The following RBPMS variants were observed in gnomAD, a reference collection of about 807,000 sequenced individuals.
The protein encoded by RBPMS is RNA binding protein, mRNA processing factor.
A neutral mutation model predicts 26.8 loss-of-function variants in RBPMS; 7 were observed. The observed-to-expected ratio is 0.26, with a 90% CI of 0.15 to 0.49. The LOEUF (loss-of-function observed/expected upper bound fraction) is 0.49. Among genes scored for constraint, RBPMS ranks in the 20% least tolerant of loss-of-function variants. The pLI is 0.98. For synonymous variants in RBPMS, 96 were observed against 93.3 expected (o/e 1.03, Z -0.17); for missense variants, 186 against 250.0 (o/e 0.74, Z 1.73).
chr8:30,511,480 AAAAAAAATATATATATATATAT>A (rs1342231853), intron 5 of RBPMS, among the ~76,000 whole-genome samples: 282 of 16,526 alleles, frequency 0.017, 9 homozygotes, highest in Non-Finnish European at 0.019. Flanking sequence ...AGAAAAAAAA[AAAAAAAATATATATATATATAT>A]ATATATATAT....
At chr8:30,477,642 T>C (rs573121054) in intron 2 of RBPMS, among the ~76,000 whole-genome samples, 157 bp from the exon 3 acceptor site, 93 of 139,054 alleles carry the variant, frequency 6.7e-4, no homozygotes, top group African/African-American at 2.1e-3. Context: ...TGTGTGTGTG[T>C]GCACATGCAC....
intron 2 of RBPMS, among the ~76,000 whole-genome samples, chr8:30,475,593 TG>T (rs757186324): frequency 3.9e-5 from 6 of 152,330 alleles, no homozygotes; most frequent in Admixed American, 6.5e-5. Flanking sequence ...GATTAGGTGA[TG>T]GGCTGTCTTG....
At chr8:30,558,780 G>A (rs771239445) in intron 6 of RBPMS, 107 bp from the exon 7 acceptor site, 3 of 919,396 alleles carry the variant, frequency 3.3e-6, no homozygotes, top group Admixed American at 3.6e-5. Context: ...AGTGTGAGTG[G>A]GTACCATCTT....
chr8:30,493,171 G>A (rs1358628064), intron 4 of RBPMS, among the ~76,000 whole-genome samples: 1 of 152,150 alleles, frequency 6.6e-6, no homozygotes, highest in Non-Finnish European at 1.5e-5. Context: ...AGCCAATATG[G>A]ACCATTAAAA....
chr8:30,417,692 T>C (rs929098775), intron 1 of RBPMS, among the ~76,000 whole-genome samples: 3 of 152,152 alleles, frequency 2.0e-5, no homozygotes, highest in African/African-American at 7.2e-5. Flanking sequence ...AATATGTCTT[T>C]TATCTTTTTT....
chr8:30,570,154 T>G (rs1828170615), intron 8 of RBPMS, among the ~76,000 whole-genome samples: 2 of 152,222 alleles, frequency 1.3e-5, no homozygotes, highest in Admixed American at 6.5e-5. Flanking sequence ...TAAAACACAT[T>G]TTCCCAAATC....
At position 30,504,271 on chromosome 8, in the gene RBPMS, T is replaced by A; in HGVS notation, c.247-15T>A. The A allele has an allele frequency of 6.2e-7, 1 of 1,613,798 alleles. No individual in the cohort carries two copies. Among genetic ancestry groups the A allele is most frequent in the Non-Finnish European group, 8.5e-7 (1 of 1,179,670 alleles). On this transcript the variant is annotated splice_polypyrimidine_tract_variant and intron_variant, in intron 4 of 8. Transcript: ENST00000397323. Reference sequence around the variant, plus strand: ...GGAAATGAAAACATCTTCCATTTGTTCTCTGTTTCCAAAGGGCATCCGCTT... The same window carrying A: ...GGAAATGAAAACATCTTCCATTTGTACTCTGTTTCCAAAGGGCATCCGCTT...
intron 1 of RBPMS, among the ~76,000 whole-genome samples, chr8:30,416,804 C>T (rs2150600662): frequency 6.6e-6 from 1 of 151,788 alleles, no homozygotes; most frequent in Non-Finnish European, 1.5e-5. Flanking sequence ...GAGTCTCCCT[C>T]AGTCGCCTAG....
At chr8:30,550,124 A>T (rs1044564825) in intron 6 of RBPMS, among the ~76,000 whole-genome samples, 1 of 152,132 alleles carries the variant, frequency 6.6e-6, no homozygotes, top group Non-Finnish European at 1.5e-5. Context: ...TGCTGGGATT[A>T]CAAGCGCCTG....
rs186710549 is a variant in RBPMS at position 30,439,817 on chromosome 8, A to G, written c.67-34962A>G. 3.8e-3 allele frequency among the ~76,000 whole-genome samples: 573 copies of G among 152,056 alleles called. 3 individuals carry two copies. The highest frequency in any genetic ancestry group is 4.8e-3 in the Non-Finnish European group (323 of 67,966). ...TAGACATGTACCACTTTGCTCAGCT[A>G]ATTTTTGTATTTTTTGTAGAGACGG... On this transcript the variant is annotated intron_variant, in intron 1 of 8. Transcript: ENST00000397323.
At chr8:30,514,120 C>T (rs1822032073) in intron 5 of RBPMS, among the ~76,000 whole-genome samples, 3 of 152,124 alleles carry the variant, frequency 2.0e-5, no homozygotes, top group African/African-American at 7.2e-5. Context: ...AAAAAGTGTG[C>T]AGCAGTAAAG....
chr8:30,480,375 T>A (rs965663354), intron 4 of RBPMS, among the ~76,000 whole-genome samples: 1 of 152,174 alleles, frequency 6.6e-6, no homozygotes, highest in Admixed American at 6.5e-5. Flanking sequence ...AGAGACCTGA[T>A]ATAGGTGATG....
At chr8:30,422,584 A>G (rs1043633524) in intron 1 of RBPMS, among the ~76,000 whole-genome samples, 2 of 152,160 alleles carry the variant, frequency 1.3e-5, no homozygotes, top group Non-Finnish European at 2.9e-5. Flanking sequence ...GTTATTTTAT[A>G]TAGAAATCTG....
chr8:30,446,851 G>GCACA (rs1235629989), intron 1 of RBPMS: 2 of 91,410 alleles, frequency 2.2e-5, no homozygotes, highest in Middle Eastern at 4.8e-3. Context: ...GTGCGCGCGC[G>GCACA]CGCGCGCGGT....
chr8:30,485,604 C>T (rs368689445), intron 4 of RBPMS, among the ~76,000 whole-genome samples: 31 of 152,308 alleles, frequency 2.0e-4, no homozygotes, highest in African/African-American at 7.2e-4. Flanking sequence ...AGTATAAAGC[C>T]GCTGTGATGT....
chr8:30,421,178 T>TGTGTGAGTGTGC (rs1810745271), intron 1 of RBPMS, among the ~76,000 whole-genome samples: 1 of 151,884 alleles, frequency 6.6e-6, no homozygotes, highest in African/African-American at 2.4e-5. Context: ...AGAGAGTGTG[T>TGTGTGAGTGTGC]GTGTGTGAGT....
chr8:30,467,404 C>G (rs1383375027), intron 1 of RBPMS, among the ~76,000 whole-genome samples: 1 of 152,144 alleles, frequency 6.6e-6, no homozygotes, highest in Admixed American at 6.5e-5. Flanking sequence ...TTAAAACACC[C>G]TAGCTGTATG....
At chr8:30,415,540 ATCATCTCTTTC>A (rs1809962244) in intron 1 of RBPMS, among the ~76,000 whole-genome samples, 3 of 152,250 alleles carry the variant, frequency 2.0e-5, no homozygotes, top group Non-Finnish European at 4.4e-5. Flanking sequence ...CTGATAATGC[ATCATCTCTTTC>A]ATCTATCCAG....
intron 1 of RBPMS, among the ~76,000 whole-genome samples, chr8:30,411,796 C>T (rs1355882045): frequency 6.6e-6 from 1 of 151,868 alleles, no homozygotes; most frequent in African/African-American, 2.4e-5. Flanking sequence ...TAGCCTTGCC[C>T]ACATGGTGAA....
Sources: allele counts gnomAD v4.1 joint callset (sites outside exome capture counted in the v4.1 genomes callset), GRCh38; gene constraint gnomAD v4.1.1; transcripts MANE v1.5; gene names NCBI Gene and HGNC (gene_info 2026-07-23, HGNC 2026-07-21).